The following OLFML1 variants were observed in gnomAD, a reference collection of about 807,000 sequenced individuals.
OLFML1 encodes olfactomedin-like protein 1.
A neutral mutation model predicts 37.3 loss-of-function variants in OLFML1; 33 were observed. The ratio of observed to expected loss-of-function variants is 0.88; its 90% CI spans 0.67 to 1.18. OLFML1 has a LOEUF of 1.18. Among genes scored for constraint, OLFML1 ranks in the 50% most tolerant of loss-of-function variants. The probability of loss-of-function intolerance (pLI) is 0.00; values close to 1 mark genes in which losing one functional copy is unlikely to be tolerated. For missense variants in OLFML1, 545 were observed against 483.7 expected (o/e 1.13, Z -1.19); for synonymous variants, 186 against 181.3 (o/e 1.03, Z -0.21).
intron 1 of OLFML1, 35 bp from the exon 2 acceptor site, chr11:7,488,092 A>C (rs1020001115): frequency 6.6e-7 from 1 of 1,517,650 alleles, no homozygotes; most frequent in African/African-American, 1.4e-5. Flanking sequence ...TTTAAATAAC[A>C]AGCAATAATT....
In OLFML1 at chr11:7,509,752, G is replaced by T. The variant is rs147776472; in HGVS notation, c.773G>T (p.Arg258Leu). Residue 258 changes from arginine to leucine, a missense_variant, in exon 3 of 3, where the codon CGA becomes CTA. By Grantham distance (102) the Arg-to-Leu change is moderately radical. Coordinates refer to ENST00000329293, the MANE Select transcript of OLFML1 (RefSeq NM_198474.4). ...ATGCTGCTCCCAGGAGGGGTAGGCC[G>T]AGCATTGGTTTACCAGCACTCCCCC... ...DRMLLPGGVG[R>L]ALVYQHSPST... is the part of the protein sequence containing the mutation. 9 of 1,614,204 alleles carry T rather than the reference G, an allele frequency of 5.6e-6. No homozygotes were observed. In the South Asian group the frequency reaches 7.7e-5, roughly 14 times the overall value.
At chr11:7,502,182 G>C (rs533334896) in intron 2 of OLFML1, among the ~76,000 whole-genome samples, 2 of 152,302 alleles carry the variant, frequency 1.3e-5, no homozygotes, top group South Asian at 2.1e-4. Flanking sequence ...AATTACAAGT[G>C]CAAGAGCCCC....
chr11:7,493,914 A>C (rs1848632828), intron 2 of OLFML1, among the ~76,000 whole-genome samples: 1 of 152,232 alleles, frequency 6.6e-6, no homozygotes, highest in Non-Finnish European at 1.5e-5. Flanking sequence ...TCTTGTCCTC[A>C]AAAAGCTTAT....
In OLFML1 at chr11:7,485,960, C is replaced by G. The variant is rs368530732; in HGVS notation, c.85C>G (p.Pro29Ala). Residue 29 changes from proline (P) to alanine (A), a missense_variant, in exon 1 of 3, where the codon CCA becomes GCA. Pro to Ala is a conservative substitution (Grantham distance 27). Coordinates refer to ENST00000329293, the MANE Select transcript of OLFML1 (RefSeq NM_198474.4). ...FLPPPQCTQD[P>A]AMVHYIYQRF... ...GCCCCCGCCGCAGTGTACCCAGGAC[C>G]CAGCCATGGTGCATTACATCTACCA... The G allele has an allele frequency of 7.4e-6, 12 of 1,613,904 alleles. No individual in the cohort carries two copies. In the African/African-American group the frequency reaches 1.3e-4, roughly 18 times the overall value.
At chr11:7,487,701 T>C (rs77656098) in intron 1 of OLFML1, among the ~76,000 whole-genome samples, 8,521 of 152,248 alleles carry the variant, frequency 0.056, 380 homozygotes, top group Admixed American at 0.14. Context: ...TCAGCATTGT[T>C]TGAATGACAA....
At chr11:7,489,399 A>C (rs939172745) in intron 2 of OLFML1, among the ~76,000 whole-genome samples, 2 of 152,090 alleles carry the variant, frequency 1.3e-5, no homozygotes, top group East Asian at 3.9e-4. Context: ...GCACCTTGAC[A>C]TGTAGACCCG....
At position 7,489,643 on chromosome 11, in the gene OLFML1, C is replaced by T. The variant is rs536021889; in HGVS notation, c.418+1228C>T. 2.0e-5 allele frequency among the ~76,000 whole-genome samples: 3 copies of T among 152,224 alleles called. No homozygotes were observed. In the South Asian group the frequency reaches 6.2e-4, roughly 32 times the overall value. On this transcript the variant is annotated intron_variant, in intron 2 of 2. Coordinates refer to ENST00000329293, the MANE Select transcript of OLFML1 (RefSeq NM_198474.4). ...GGGAATGCTGCAATGATTTGGGCAACAAGTAATAGTGTTGGCATTAAGTGT... is the reference window on the plus strand; with the variant it reads ...GGGAATGCTGCAATGATTTGGGCAATAAGTAATAGTGTTGGCATTAAGTGT...
rs767468813 is a variant in OLFML1, at chr11:7,488,287, G to A, written c.290G>A (p.Arg97Gln). The A allele has an allele frequency of 8.7e-6, 14 of 1,613,954 alleles. No individual in the cohort carries two copies. The highest frequency in any genetic ancestry group is 3.3e-5 in the Admixed American group (2 of 59,992). Residue 97 changes from arginine (R) to glutamine (Q), a missense_variant, in exon 2 of 3, where the codon CGG becomes CAG. Physicochemically the swap from Arg to Gln is conservative, Grantham distance 43 (BLOSUM62 1). Coordinates refer to ENST00000329293, the MANE Select transcript of OLFML1 (RefSeq NM_198474.4). ...NLALRVERAQ[R>Q]EIDYIQYLRE... ...GCACTGAGAGTTGAACGTGCCCAAC[G>A]GGAGATTGACTACATACAATACCTT...
intron 1 of OLFML1, among the ~76,000 whole-genome samples, 188 bp downstream of exon 1, chr11:7,486,192 C>T (rs1590055650): frequency 6.6e-6 from 1 of 152,308 alleles, no homozygotes; most frequent in Middle Eastern, 3.4e-3. Context: ...TGTGCTACTT[C>T]CAGACCTTAA....
At chr11:7,494,903 A>G (rs935669034) in intron 2 of OLFML1, among the ~76,000 whole-genome samples, 1 of 151,638 alleles carries the variant, frequency 6.6e-6, no homozygotes, top group African/African-American at 2.4e-5. Flanking sequence ...CTGGTTTTAG[A>G]TTCTTAAACT....
At chr11:7,506,078 T>C (rs753652928) in intron 2 of OLFML1, among the ~76,000 whole-genome samples, 2 of 152,170 alleles carry the variant, frequency 1.3e-5, no homozygotes, top group Non-Finnish European at 2.9e-5. Context: ...GAGGTGAAGA[T>C]GTAGATACAG....
chr11:7,488,043 C>G (rs764342947), intron 1 of OLFML1, 84 bp from the exon 2 acceptor site: 9 of 959,076 alleles, frequency 9.4e-6, no homozygotes, highest in Non-Finnish European at 1.4e-5. Flanking sequence ...TTTTCTAATC[C>G]TTTTCTATAA....
At chr11:7,499,041 C>T (rs1434589663) in intron 2 of OLFML1, among the ~76,000 whole-genome samples, 1 of 152,176 alleles carries the variant, frequency 6.6e-6, no homozygotes, top group East Asian at 1.9e-4. Flanking sequence ...GAGTGACTCC[C>T]ATACAAAGGA....
chr11:7,505,839 T>A (rs36034837), intron 2 of OLFML1, among the ~76,000 whole-genome samples: 89,593 of 151,360 alleles, frequency 0.59, 26,797 homozygotes, highest in Non-Finnish European at 0.6. Flanking sequence ...TCACCTGTCT[T>A]AAAAAAAATG....
In OLFML1 at chr11:7,510,203, G is replaced by A. The variant is rs533315715; in HGVS notation, c.*15G>A. On this transcript the variant is annotated 3_prime_UTR_variant, in exon 3 of 3. Coordinates refer to ENST00000329293, the MANE Select transcript of OLFML1 (RefSeq NM_198474.4). The stretch of plus-strand genomic sequence containing the variant: ...CTCTGAAGTAATGCATTACAGCTGT[G>A]AGAAAGAGCACTGTGGCTTTGGCAG... 148 of 1,587,190 alleles carry A rather than the reference G, an allele frequency of 9.3e-5. No individual in the cohort carries two copies. The highest frequency in any genetic ancestry group is 1.2e-4 in the Non-Finnish European group (136 of 1,172,020).
chr11:7,511,327 G>A lies in OLFML1; in HGVS notation c.*1139G>A, dbSNP rs1025233435. ...CTTTAAATTCAATAAAAGTGACACTGAGCAAATAACCTCATCAGGTTATAT... is the reference window on the plus strand; with the variant it reads ...CTTTAAATTCAATAAAAGTGACACTAAGCAAATAACCTCATCAGGTTATAT... On this transcript the variant is annotated 3_prime_UTR_variant, in exon 3 of 3. Coordinates refer to ENST00000329293, the MANE Select transcript of OLFML1 (RefSeq NM_198474.4). 1 of 152,194 alleles carries A rather than the reference G, an allele frequency of 6.6e-6. No homozygotes were observed. Among genetic ancestry groups the A allele is most frequent in the Non-Finnish European group, 1.5e-5 (1 of 68,040 alleles). 9.4% of individuals were successfully genotyped at this position (152,194 alleles called of 1,614,324 possible).
chr11:7,503,991 A>G (rs1321669077), intron 2 of OLFML1, among the ~76,000 whole-genome samples: 1 of 152,210 alleles, frequency 6.6e-6, no homozygotes, highest in Non-Finnish European at 1.5e-5. Context: ...TATTTTATTG[A>G]GGGGAATTAA....
chr11:7,492,803 C>A (rs1848614525), intron 2 of OLFML1, among the ~76,000 whole-genome samples: 1 of 152,138 alleles, frequency 6.6e-6, no homozygotes, highest in Admixed American at 6.5e-5. Flanking sequence ...AAGGAGTGAA[C>A]ACTATTTGAA....
chr11:7,503,933 G>A lies in OLFML1; in HGVS notation c.419-5465G>A, dbSNP rs550306061. Among the ~76,000 whole-genome samples the A allele has an allele frequency of 4.6e-5, 7 of 152,304 alleles. 1 individual carries two copies. Among genetic ancestry groups the A allele is most frequent in the African/African-American group, 1.7e-4 (7 of 41,556 alleles). The stretch of plus-strand genomic sequence containing the variant: ...TGCTATTCTAGGAACAAGGCATACA[G>A]TAGTGAATGAAACAGATAAGACAAA... On this transcript the variant is annotated intron_variant, in intron 2 of 2. Coordinates refer to ENST00000329293, the MANE Select transcript of OLFML1 (RefSeq NM_198474.4).
Sources: allele counts gnomAD v4.1 joint callset (sites outside exome capture counted in the v4.1 genomes callset), GRCh38; gene constraint gnomAD v4.1.1; transcripts MANE v1.5; gene names NCBI Gene and HGNC (gene_info 2026-07-23, HGNC 2026-07-21).